The following ASAP1 variants were observed in gnomAD, a reference collection of about 807,000 sequenced individuals.
ASAP1 encodes the protein ArfGAP with SH3 domain, ankyrin repeat and PH domain 1.
A neutral mutation model predicts 145.2 loss-of-function variants in ASAP1; 43 were observed. The observed-to-expected ratio is 0.30, with a 90% CI of 0.23 to 0.38. The LOEUF (loss-of-function observed/expected upper bound fraction) is 0.38, where lower values mean the gene tolerates loss of function less well. Ranked by LOEUF, ASAP1 falls within the 10% of genes least tolerant of loss-of-function variation. The pLI, the probability that ASAP1 is intolerant of heterozygous loss-of-function variation, is 1.00. For synonymous variants in ASAP1, 546 were observed against 515.5 expected, an observed-to-expected ratio of 1.06 and a Z score of -0.80; for missense variants, 1,018 against 1,355.3, an observed-to-expected ratio of 0.75 and a Z score of 3.91.
At chr8:130,262,435 AGAGAGAGAGAGAG>A (rs1389364095) in intron 3 of ASAP1, among the ~76,000 whole-genome samples, 4 of 137,604 alleles carry the variant, frequency 2.9e-5, no homozygotes, top group African/African-American at 1.1e-4. Flanking sequence ...AGAGAGAGAG[AGAGAGAGAGAGAG>A]AGAGAGAGAA....
At chr8:130,415,484 A>C (rs1829437189) in intron 1 of ASAP1, among the ~76,000 whole-genome samples, 1 of 152,086 alleles carries the variant, frequency 6.6e-6, no homozygotes, top group African/African-American at 2.4e-5. Flanking sequence ...TCTTAAAAAA[A>C]CAAAACAAAA....
intron 4 of ASAP1, 63 bp from the exon 5 acceptor site, chr8:130,214,764 T>G: frequency 7.3e-7 from 1 of 1,363,310 alleles, no homozygotes; most frequent in East Asian, 2.3e-5. Context: ...AAAAGTTACT[T>G]TGAACACCGA....
intron 3 of ASAP1, among the ~76,000 whole-genome samples, chr8:130,329,473 A>G (rs774941841): frequency 1.4e-4 from 22 of 152,166 alleles, no homozygotes; most frequent in Non-Finnish European, 2.6e-4. Context: ...AAGAGCTATT[A>G]AGAGGATCTT....
intron 24 of ASAP1, among the ~76,000 whole-genome samples, chr8:130,110,553 T>C (rs2097545006): frequency 6.6e-6 from 1 of 152,042 alleles, no homozygotes; most frequent in African/African-American, 2.4e-5. Flanking sequence ...GATATGTGAG[T>C]GATTTAAAAA....
At chr8:130,395,376 T>C (rs554046076) in intron 2 of ASAP1, among the ~76,000 whole-genome samples, 1 of 152,290 alleles carries the variant, frequency 6.6e-6, no homozygotes, top group Admixed American at 6.5e-5. Flanking sequence ...TCTTTGCAGA[T>C]ATAATTAAGG....
At chr8:130,421,805 C>T (rs1301878223) in intron 1 of ASAP1, among the ~76,000 whole-genome samples, 1 of 152,176 alleles carries the variant, frequency 6.6e-6, no homozygotes, top group Non-Finnish European at 1.5e-5. Flanking sequence ...CACTATATTA[C>T]TAACTAATAC....
At chr8:130,351,785 A>T (rs1025521352) in intron 3 of ASAP1, among the ~76,000 whole-genome samples, 10 of 152,210 alleles carry the variant, frequency 6.6e-5, no homozygotes, top group Non-Finnish European at 1.0e-4. Flanking sequence ...ATCACATCCC[A>T]CCAAGCCCCA....
chr8:130,075,459 A>G (rs1467797076), intron 27 of ASAP1, among the ~76,000 whole-genome samples: 1 of 152,194 alleles, frequency 6.6e-6, no homozygotes, highest in Non-Finnish European at 1.5e-5. Flanking sequence ...AAACTAGGCA[A>G]CGGAGCACTA....
At chr8:130,342,006 G>A (rs986156309) in intron 3 of ASAP1, among the ~76,000 whole-genome samples, 1 of 152,158 alleles carries the variant, frequency 6.6e-6, no homozygotes, top group African/African-American at 2.4e-5. Flanking sequence ...ATAAGTTGCT[G>A]TAATGCCTCA....
chr8:130,197,370 A>C (rs1212125678), intron 5 of ASAP1, among the ~76,000 whole-genome samples: 1 of 152,240 alleles, frequency 6.6e-6, no homozygotes, highest in African/African-American at 2.4e-5. Context: ...TTGAGGCTGC[A>C]GTGAGCTGAG....
Position 130,237,125 on chromosome 8 carries a change from C to T in ASAP1, c.187-131G>A, listed in dbSNP as rs1465646867. ...AACAGCAAACTGACATATTCATTAA[C>T]AATGAATCATATCAGACTGGAAGTC... On this transcript the variant is annotated intron_variant, in intron 3 of 29. Transcript: ENST00000518721. The T allele has an allele frequency of 1.1e-5, 7 of 633,480 alleles. No homozygotes were observed. In the Admixed American group the frequency reaches 1.9e-4, roughly 17 times the overall value. 39.2% of individuals were successfully genotyped at this position (633,480 alleles called of 1,614,324 possible).
At chr8:130,369,102 CACATA>C (rs1357107470) in intron 2 of ASAP1, among the ~76,000 whole-genome samples, 6 of 152,180 alleles carry the variant, frequency 3.9e-5, no homozygotes, top group Admixed American at 6.5e-5. Flanking sequence ...TTAGATAATA[CACATA>C]ACAGAATGGG....
Position 130,127,964 on chromosome 8 carries a change from G to A in ASAP1, c.1344C>T (p.Leu448=). ...TKAIIEDVQR[L]PGNDICCDCG... is the part of the protein sequence containing the mutation. ...AATCGCAGCAAATGTCATTCCCTGGGAGCCGCTGGACATCCTCAATAATGG... is the reference window on the plus strand; with the variant it reads ...AATCGCAGCAAATGTCATTCCCTGGAAGCCGCTGGACATCCTCAATAATGG... The change falls in exon 16 of 30, where the codon CTC becomes CTT. Residue 448 remains leucine, a synonymous_variant. Coordinates refer to ENST00000518721, the MANE Select transcript of ASAP1 (RefSeq NM_018482.4). 6.2e-7 allele frequency: 1 copy of A among 1,613,958 alleles called. No individual in the cohort carries two copies. The highest frequency in any genetic ancestry group is 8.5e-7 in the Non-Finnish European group (1 of 1,179,996).
chr8:130,180,906 T>TAA, intron 7 of ASAP1, 26 bp from the exon 8 acceptor site: 1 of 1,498,820 alleles, frequency 6.7e-7, no homozygotes, highest in Non-Finnish European at 8.9e-7. Context: ...ATGTCATTAT[T>TAA]TAAAAAAAAA....
chr8:130,175,542 T>A (rs1813893176), intron 9 of ASAP1, among the ~76,000 whole-genome samples: 1 of 152,146 alleles, frequency 6.6e-6, no homozygotes, highest in Admixed American at 6.5e-5. Flanking sequence ...TGAGTTTTTT[T>A]TATATATTCT....
intron 1 of ASAP1, among the ~76,000 whole-genome samples, chr8:130,422,036 G>A (rs1415137394): frequency 6.6e-6 from 1 of 152,176 alleles, no homozygotes; most frequent in African/African-American, 2.4e-5. Context: ...TAGAGGGGGT[G>A]GGCACAAACA....
intron 5 of ASAP1, among the ~76,000 whole-genome samples, chr8:130,205,604 T>C (rs1816168643): frequency 6.6e-6 from 1 of 150,930 alleles, no homozygotes; most frequent in Non-Finnish European, 1.5e-5. Context: ...TTTTTTTTTT[T>C]TTTTTAGCTT....
intron 3 of ASAP1, among the ~76,000 whole-genome samples, chr8:130,262,128 G>T (rs761673623): frequency 2.0e-5 from 3 of 151,966 alleles, no homozygotes; most frequent in Non-Finnish European, 2.9e-5. Context: ...TGGGCGCGGT[G>T]GCTCACACCT....
chr8:130,292,981 C>G (rs1163637871), intron 3 of ASAP1, among the ~76,000 whole-genome samples: 1 of 152,222 alleles, frequency 6.6e-6, no homozygotes, highest in Non-Finnish European at 1.5e-5. Flanking sequence ...CAGTTAGCAG[C>G]TCAGTCTGGG....
Sources: gnomAD v4.1 joint callset for allele counts (sites outside exome capture counted in the v4.1 genomes callset) on GRCh38, gnomAD v4.1.1 for gene constraint, MANE v1.5 for transcripts, NCBI Gene and HGNC (gene_info 2026-07-23, HGNC 2026-07-21) for gene names.